Variants in KNG1 observed in about 807,000 individuals in gnomAD.
KNG1 encodes the protein kininogen-1.
In KNG1, 23 loss-of-function variants were observed where a neutral mutation model predicts 47.8. The ratio of observed to expected loss-of-function variants is 0.48; its 90% CI spans 0.35 to 0.68. KNG1 has a LOEUF of 0.68. KNG1 is among the 30% of genes least tolerant of loss of function. KNG1 has a pLI of 0.01. For synonymous variants in KNG1, 277 were observed against 277.0 expected (o/e 1.00, Z 0.00); for missense variants, 762 against 790.2 (o/e 0.96, Z 0.43).
At chr3:186,732,780 T>C in intron 7 of KNG1, 106 bp downstream of exon 7, 5 of 892,838 alleles carry the variant, frequency 5.6e-6, no homozygotes, top group Non-Finnish European at 9.5e-6. Context: ...ATACATTTGA[T>C]AATGTGATTT....
chr3:186,721,554 A>G (rs1311531447), intron 2 of KNG1: 1 of 152,272 alleles, frequency 6.6e-6, no homozygotes, highest in Non-Finnish European at 1.5e-5. Flanking sequence ...ACTGTTCACA[A>G]CAACTCTAAG....
In KNG1 at chr3:186,742,284, C is replaced by T; in HGVS notation, c.1888C>T (p.Gln630Ter). The T allele has an allele frequency of 1.2e-6, 2 of 1,614,168 alleles. No individual in the cohort carries two copies. Among genetic ancestry groups the T allele is most frequent in the Non-Finnish European group, 1.7e-6 (2 of 1,180,030 alleles). Residue 630 changes from glutamine to a stop codon, truncating the protein, a stop_gained, in exon 10 of 10, where the codon CAA (glutamine) becomes TAA (stop). Transcript: ENST00000644859. LOFTEE classifies it high-confidence loss of function. ...AGTTAGTGAAATTAATCCAACCACACAAATGAAAGAATCTTATTATTTCGA... is the reference window on the plus strand; with the variant it reads ...AGTTAGTGAAATTAATCCAACCACATAAATGAAAGAATCTTATTATTTCGA... ...KSVSEINPTT[Q>*]MKESYYFDLT...
chr3:186,739,013 A>T, intron 7 of KNG1, 86 bp from the exon 8 acceptor site: 1 of 1,151,236 alleles, frequency 8.7e-7, no homozygotes, highest in East Asian at 2.5e-5. Context: ...TAAAATTTCA[A>T]GATTCTCCCT....
rs777469266 is a variant in KNG1, at chr3:186,742,152, G to A, written c.1756G>A (p.Asp586Asn). 86 of 1,613,960 alleles carry A rather than the reference G, an allele frequency of 5.3e-5. No homozygotes were observed. The East Asian group carries it at 1.4e-3, about 26-fold the overall frequency. ...ACCAGCTCCCATACAGAGTGATGAC[G>A]ATTGGATCCCTGATATCCAGATAGA... ...ISPAPIQSDD[D>N]WIPDIQIDPN... The change falls in exon 10 of 10, where the codon GAT becomes AAT. Residue 586 changes from aspartate to asparagine, a missense_variant. Asp to Asn is a conservative substitution (Grantham distance 23, BLOSUM62 1). Transcript: ENST00000644859.
Position 186,739,337 on chromosome 3 carries a change from G to C in KNG1, c.1048G>C (p.Asp350His), listed in dbSNP as rs375543420. The C allele has an allele frequency of 6.2e-7, 1 of 1,613,712 alleles. No individual in the cohort carries two copies. The highest frequency in any genetic ancestry group is 1.3e-5 in the African/African-American group (1 of 75,022). Residue 350 changes from aspartate (D) to histidine (H), a missense_variant, in exon 9 of 10, where the codon GAT (aspartate) becomes CAT (histidine). Coordinates refer to ENST00000644859, the MANE Select transcript of KNG1 (RefSeq NM_001102416.3). ...CETKKLGQSL[D>H]CNAEVYVVPW... ...CTGTTTTCATGGATAGCAAAGCCTA[G>C]ATTGCAACGCTGAAGTTTATGTGGT...
chr3:186,724,592 A>C (rs1720295941), intron 3 of KNG1, among the ~76,000 whole-genome samples: 1 of 151,876 alleles, frequency 6.6e-6, no homozygotes, highest in South Asian at 2.1e-4. Flanking sequence ...CCCACTTTTT[A>C]ATGGGATTAC....
At chr3:186,717,805 C>A (rs1480980067) in intron 1 of KNG1, 68 bp downstream of exon 1, 3 of 1,027,006 alleles carry the variant, frequency 2.9e-6, no homozygotes, top group Non-Finnish European at 4.5e-6. Flanking sequence ...CCAGGCCTCA[C>A]ACACACACAC....
chr3:186,731,374 A>G (rs1720528506), intron 5 of KNG1, among the ~76,000 whole-genome samples, 171 bp from the exon 6 acceptor site: 1 of 152,124 alleles, frequency 6.6e-6, no homozygotes, highest in Non-Finnish European at 1.5e-5. Context: ...TGCTATTGAT[A>G]CTATTACCTT....
chr3:186,732,408 C>A lies in KNG1; in HGVS notation c.758-94C>A, dbSNP rs914911899. On this transcript the variant is annotated intron_variant, in intron 6 of 9. Transcript: ENST00000644859. Reference sequence around the variant, plus strand: ...CTGGGCCTGGGCTCCCATGTAGCCCCTTATACATGTGGATGCTGGTTCTTG... The same window carrying A: ...CTGGGCCTGGGCTCCCATGTAGCCCATTATACATGTGGATGCTGGTTCTTG... 73 of 1,218,498 alleles carry A rather than the reference C, an allele frequency of 6.0e-5. 2 individuals carry two copies. The South Asian group carries it at 8.9e-4, about 15-fold the overall frequency. 75.5% of individuals were successfully genotyped at this position (1,218,498 alleles called of 1,614,324 possible).
At position 186,742,420 on chromosome 3, in the gene KNG1, T is replaced by G. The variant is rs768691780; in HGVS notation, c.*89T>G. ...TCCAGATGAAAATATCCTGATATAA[T>G]GCACCAAAAACCATGCAGCTTCGGA... On this transcript the variant is annotated 3_prime_UTR_variant, in exon 10 of 10. Transcript: ENST00000644859. The G allele has an allele frequency of 1.2e-5, 19 of 1,582,726 alleles. No individual in the cohort carries two copies. The highest frequency in any genetic ancestry group is 1.5e-5 in the Non-Finnish European group (17 of 1,171,134).
rs569115281 is a variant in KNG1 at position 186,742,620 on chromosome 3, T to A, written c.*289T>A. 1.6e-5 allele frequency: 20 copies of A among 1,239,190 alleles called. 1 individual carries two copies. In the South Asian group the frequency reaches 3.9e-4, roughly 24 times the overall value. The allele number at this position is 1,239,190 out of a possible 1,614,324, so 76.8% of individuals were successfully genotyped here. A position where few individuals can be genotyped will look rare whatever the true frequency, so the allele number is the denominator to read the frequency against. ...CGTATGGCCTGCTGCAATTGGCTTC[T>A]CTGATAACAAATATGTACCTTACAA... On this transcript the variant is annotated 3_prime_UTR_variant, in exon 10 of 10. Coordinates refer to ENST00000644859, the MANE Select transcript of KNG1 (RefSeq NM_001102416.3).
Position 186,722,460 on chromosome 3 carries a change from C to T in KNG1, c.330C>T (p.Thr110=), listed in dbSNP as rs759323009. ...AKAATGECTA[T]VGKRSSTKFS... ...AGGCCACTGGAGAATGCACGGCAAC[C>T]GTGGGGAAGAGGAGCAGTACGAAAT... Residue 110 remains threonine, a synonymous_variant, in exon 3 of 10, where the codon ACC becomes ACT. Coordinates refer to ENST00000644859, the MANE Select transcript of KNG1 (RefSeq NM_001102416.3). 15 of 1,613,686 alleles carry T rather than the reference C, an allele frequency of 9.3e-6. No homozygotes were observed. Among genetic ancestry groups the T allele is most frequent in the East Asian group, 4.5e-5 (2 of 44,896 alleles).
At position 186,742,549 on chromosome 3, in the gene KNG1, T is replaced by C; in HGVS notation, c.*218T>C. On this transcript the variant is annotated 3_prime_UTR_variant, in exon 10 of 10. Coordinates refer to ENST00000644859, the MANE Select transcript of KNG1 (RefSeq NM_001102416.3). ...ATTCTAACTCTTTTCTGAATCTTCT[T>C]CCCAAGTTTTCTAAACTAGCACAGT... 7.2e-7 allele frequency: 1 copy of C among 1,387,606 alleles called. No individual in the cohort carries two copies. 86.0% of individuals were successfully genotyped at this position (1,387,606 alleles called of 1,614,324 possible).
chr3:186,739,976 A>T (rs571826388), intron 9 of KNG1, among the ~76,000 whole-genome samples: 3 of 151,718 alleles, frequency 2.0e-5, no homozygotes, highest in East Asian at 3.9e-4. Flanking sequence ...TGAACCCAGG[A>T]GGTGGAGGTT....
chr3:186,725,875 T>C (rs1392231623), intron 4 of KNG1, among the ~76,000 whole-genome samples: 1 of 142,592 alleles, frequency 7.0e-6, no homozygotes, highest in South Asian at 2.3e-4. Context: ...ATGGTCGGCA[T>C]GGCTTTCTGG....
intron 1 of KNG1, 102 bp from the exon 2 acceptor site, chr3:186,720,003 C>T (rs1386573250): frequency 3.8e-5 from 30 of 781,314 alleles, no homozygotes; most frequent in Non-Finnish European, 7.1e-5. Context: ...ATGCTTTGCT[C>T]TCAAGTCAAA....
In KNG1 at chr3:186,732,002, G is replaced by A. The variant is rs549719579; in HGVS notation, c.757+373G>A. 5.9e-5 allele frequency among the ~76,000 whole-genome samples: 9 copies of A among 152,270 alleles called. No homozygotes were observed. In the South Asian group the frequency reaches 1.9e-3, roughly 32 times the overall value. On this transcript the variant is annotated intron_variant, in intron 6 of 9. Coordinates refer to ENST00000644859, the MANE Select transcript of KNG1 (RefSeq NM_001102416.3). Reference sequence around the variant, plus strand: ...CTCAGAACAAAACCCTTTCAATTAAGGTGGTTTTTTCCTGCATGTTATAAT... The same window carrying A: ...CTCAGAACAAAACCCTTTCAATTAAAGTGGTTTTTTCCTGCATGTTATAAT...
chr3:186,742,449 G>T lies in KNG1; in HGVS notation c.*118G>T. 6.6e-7 allele frequency: 1 copy of T among 1,526,116 alleles called. No individual in the cohort carries two copies. Among genetic ancestry groups the T allele is most frequent in the East Asian group, 2.4e-5 (1 of 41,416 alleles). 94.5% of individuals were successfully genotyped at this position (1,526,116 alleles called of 1,614,324 possible). A position where few individuals can be genotyped will look rare whatever the true frequency, so the allele number is the denominator to read the frequency against. ...CCAAAAACCATGCAGCTTCGGAACA[G>T]TCTAAAGAGAAGTGGTGAGACTCCC... On this transcript the variant is annotated 3_prime_UTR_variant, in exon 10 of 10. Transcript: ENST00000644859.
At chr3:186,718,810 T>G (rs1410226998) in intron 1 of KNG1, among the ~76,000 whole-genome samples, 1 of 152,204 alleles carries the variant, frequency 6.6e-6, no homozygotes, top group Non-Finnish European at 1.5e-5. Context: ...TATGGCTGAA[T>G]GTACTGGGTT....
Sources: allele counts gnomAD v4.1 joint callset (sites outside exome capture counted in the v4.1 genomes callset), GRCh38; gene constraint gnomAD v4.1.1; transcripts MANE v1.5; gene names NCBI Gene and HGNC (gene_info 2026-07-23, HGNC 2026-07-21).